The following PPP2R5C variants were observed in gnomAD, a reference collection of about 807,000 sequenced individuals.
PPP2R5C encodes serine/threonine-protein phosphatase 2A 56 kDa regulatory subunit gamma isoform.
PPP2R5C carries 7 observed loss-of-function variants against 68.9 expected under a neutral mutation model. The observed-to-expected ratio is 0.10, with a 90% CI of 0.06 to 0.19. The LOEUF (loss-of-function observed/expected upper bound fraction) is 0.19, where lower values mean the gene tolerates loss of function less well. Among genes scored for constraint, PPP2R5C ranks in the 10% least tolerant of loss-of-function variants. PPP2R5C has a pLI of 1.00. For missense variants in PPP2R5C, 348 were observed against 641.3 expected (o/e 0.54, Z 4.94); for synonymous variants, 210 against 222.2 (o/e 0.95, Z 0.49).
intron 2 of PPP2R5C, among the ~76,000 whole-genome samples, chr14:101,774,841 T>A (rs1308830620): frequency 1.3e-5 from 2 of 152,212 alleles, no homozygotes; most frequent in African/African-American, 4.8e-5. Context: ...AACCTTTTTC[T>A]GTAAAGGGCC....
exon 4 of PPP2R5C, chr14:101,883,312 T>C (rs778707946): frequency 1.3e-6 from 2 of 1,595,086 alleles, no homozygotes; most frequent in Non-Finnish European, 1.7e-6. Context: ...CAACCTAATA[T>C]AGCGAAGAAA....
intron 3 of PPP2R5C, among the ~76,000 whole-genome samples, chr14:101,792,883 C>CTT (rs373883284): frequency 1.0e-4 from 13 of 129,200 alleles, no homozygotes; most frequent in African/African-American, 2.2e-4. Flanking sequence ...TTTTTCTTTT[C>CTT]TTTTTTTTTT....
intron 12 of PPP2R5C, chr14:101,912,679 G>T: frequency 2.6e-6 from 3 of 1,138,080 alleles, no homozygotes; most frequent in Admixed American, 4.2e-5. Flanking sequence ...CCACAGAATT[G>T]ACTTTTTTCC....
chr14:101,815,769 A>G (rs2039623442), intron 1 of PPP2R5C, among the ~76,000 whole-genome samples: 1 of 152,178 alleles, frequency 6.6e-6, no homozygotes, highest in Non-Finnish European at 1.5e-5. Flanking sequence ...TCCCAGGTTC[A>G]AGCGATTCTC....
chr14:101,804,525 A>C (rs2038999206), intron 3 of PPP2R5C, among the ~76,000 whole-genome samples: 2 of 152,208 alleles, frequency 1.3e-5, no homozygotes, highest in Non-Finnish European at 2.9e-5. Flanking sequence ...ACAATAGAGT[A>C]CTATTCAGCC....
intron 1 of PPP2R5C, among the ~76,000 whole-genome samples, chr14:101,812,328 G>T (rs866814054): frequency 6.6e-6 from 1 of 152,164 alleles, no homozygotes; most frequent in Non-Finnish European, 1.5e-5. Flanking sequence ...CAGGGTGCCC[G>T]GGAGAGCAGG....
intron 2 of PPP2R5C, among the ~76,000 whole-genome samples, chr14:101,873,856 C>A (rs1390122366): frequency 6.6e-6 from 1 of 152,148 alleles, no homozygotes; most frequent in Non-Finnish European, 1.5e-5. Context: ...GTGGGACGTG[C>A]CTCACTTGTT....
At chr14:101,875,610 A>G (rs181124491) in intron 2 of PPP2R5C, among the ~76,000 whole-genome samples, 2 of 152,286 alleles carry the variant, frequency 1.3e-5, no homozygotes, top group Admixed American at 6.5e-5. Context: ...CTGTGCATTT[A>G]TGTTCTCTAG....
At chr14:101,840,099 A>G (rs531390887) in intron 1 of PPP2R5C, among the ~76,000 whole-genome samples, 10 of 152,348 alleles carry the variant, frequency 6.6e-5, no homozygotes, top group Admixed American at 2.6e-4. Flanking sequence ...ACAGAGCGAA[A>G]GATTTCATTT....
exon 14 of PPP2R5C, chr14:101,926,970 TA>T (rs773167102): frequency 6.6e-6 from 1 of 152,174 alleles, no homozygotes; most frequent in Non-Finnish European, 1.5e-5. Context: ...ACTTGACAAG[TA>T]TCTCTCCATT....
upstream of PPP2R5C, among the ~76,000 whole-genome samples, chr14:101,806,191 A>ATCAACCCG (rs1364179502): frequency 1.3e-5 from 2 of 152,088 alleles, no homozygotes; most frequent in Non-Finnish European, 1.5e-5. Context: ...TGCTGCACCT[A>ATCAACCCG]TCAACCCGTC....
At chr14:101,791,872 C>T (rs535106139) in intron 3 of PPP2R5C, among the ~76,000 whole-genome samples, 6 of 152,040 alleles carry the variant, frequency 3.9e-5, no homozygotes, top group Non-Finnish European at 7.4e-5. Flanking sequence ...TTCATGATGT[C>T]TTATTTCCTT....
At chr14:101,829,064 G>T (rs1198019432) in intron 1 of PPP2R5C, among the ~76,000 whole-genome samples, 1 of 152,084 alleles carries the variant, frequency 6.6e-6, no homozygotes, top group East Asian at 1.9e-4. Flanking sequence ...ATATCCTCAG[G>T]ATAAATCTGA....
In PPP2R5C at chr14:101,790,435, G is replaced by A. The variant is rs773642499; in HGVS notation, c.259+4252G>A. The stretch of plus-strand genomic sequence containing the variant: ...CCATTAAGTTCCCCTCCGGGCCCCA[G>A]CTGCAGGCACCCACTGATCTGCTTT... On this transcript the variant is annotated intron_variant, in intron 3 of 14. Coordinates refer to the PPP2R5C transcript ENST00000328724. Among the ~76,000 whole-genome samples the A allele has an allele frequency of 1.1e-4, 16 of 152,328 alleles. 1 individual carries two copies. In the South Asian group the frequency reaches 2.1e-3, roughly 20 times the overall value.
At chr14:101,789,293 C>T (rs537583282) in intron 3 of PPP2R5C, among the ~76,000 whole-genome samples, 113 of 152,328 alleles carry the variant, frequency 7.4e-4, no homozygotes, top group African/African-American at 2.6e-3. Context: ...ATGGCTTCAG[C>T]GTTTCCTAAG....
intron 1 of PPP2R5C, chr14:101,824,190 G>A: frequency 4.0e-6 from 5 of 1,244,692 alleles, no homozygotes; most frequent in South Asian, 1.3e-5. Context: ...ACTTACTATT[G>A]GTAAAGATTC....
At chr14:101,780,447 A>G (rs1214607585) in intron 2 of PPP2R5C, among the ~76,000 whole-genome samples, 2 of 152,140 alleles carry the variant, frequency 1.3e-5, no homozygotes, top group Admixed American at 6.5e-5. Flanking sequence ...ACATTTGGCA[A>G]TGTTTGGAGA....
At chr14:101,808,191 G>A (rs2140172367), upstream of PPP2R5C, among the ~76,000 whole-genome samples, 1 of 151,666 alleles carries the variant, frequency 6.6e-6, no homozygotes, top group Non-Finnish European at 1.5e-5. Context: ...CCTCCAGACA[G>A]ACAACCCACA....
chr14:101,777,318 AGGAGTGAGATTGCTG>A (rs1401602134), intron 2 of PPP2R5C, among the ~76,000 whole-genome samples: 1 of 152,014 alleles, frequency 6.6e-6, no homozygotes, highest in Non-Finnish European at 1.5e-5. Context: ...GTATATGCCT[AGGAGTGAGATTGCTG>A]GGTCATATGG....
Sources: gnomAD v4.1 joint callset for allele counts (sites outside exome capture counted in the v4.1 genomes callset) on GRCh38, gnomAD v4.1.1 for gene constraint, MANE v1.5 for transcripts, NCBI Gene and HGNC (gene_info 2026-07-23, HGNC 2026-07-21) for gene names.